CFAP74: variants seen among roughly 807,000 people sequenced by gnomAD.
CFAP74 encodes cilia and flagella associated protein 74.
A neutral mutation model predicts 188.9 loss-of-function variants in CFAP74; 124 were observed. The observed-to-expected ratio is 0.66, with a 90% CI of 0.57 to 0.76. The LOEUF is 0.76. Among genes scored for constraint, CFAP74 ranks in the 30% least tolerant of loss-of-function variants. The probability of loss-of-function intolerance (pLI) is 0.00; values close to 1 mark genes in which losing one functional copy is unlikely to be tolerated. For synonymous variants in CFAP74, 956 were observed against 916.7 expected (o/e 1.04, Z -0.77); for missense variants, 2,198 against 2,165.2 (o/e 1.02, Z -0.30).
At chr1:1,971,653 C>A (rs1364521259) in intron 9 of CFAP74, among the ~76,000 whole-genome samples, 1 of 152,256 alleles carries the variant, frequency 6.6e-6, no homozygotes, top group Non-Finnish European at 1.5e-5. Context: ...GCCTGAATCC[C>A]CAGCCTTGGC....
intron 6 of CFAP74, among the ~76,000 whole-genome samples, chr1:1,976,990 T>A (rs28545809): frequency 6.6e-6 from 1 of 151,604 alleles, no homozygotes; most frequent in Non-Finnish European, 1.5e-5. Context: ...GGACTACAGG[T>A]GCCTGCCACC....
intron 22 of CFAP74, 75 bp from the exon 23 acceptor site, chr1:1,940,478 G>T (rs539758138): frequency 1.9e-6 from 2 of 1,028,286 alleles, no homozygotes; most frequent in South Asian, 3.3e-5. Flanking sequence ...CACTGTCACT[G>T]GTGCTTCTAC....
chr1:1,987,974 T>G (rs1570983579), intron 4 of CFAP74: 1 of 371,142 alleles, frequency 2.7e-6, no homozygotes, highest in East Asian at 7.9e-5. Context: ...TGTCTTTCAG[T>G]TTTTTATTTT....
intron 25 of CFAP74, among the ~76,000 whole-genome samples, chr1:1,932,076 A>C (rs1451632686): frequency 1.7e-5 from 1 of 58,960 alleles, no homozygotes; most frequent in African/African-American, 4.0e-5. Context: ...CAAAAAAAAA[A>C]AAACAAAAAA....
Position 1,923,395 on chromosome 1 carries a change from G to A in CFAP74, c.4494C>T (p.Ile1498=), listed in dbSNP as rs1338606680. The change falls in exon 36 of 39, where the codon ATC becomes ATT. Residue 1498 remains isoleucine (I), a synonymous_variant. Transcript: ENST00000682832. This position sits in a 1 kb window ranked among gnomAD's most constrained non-coding sequence, Gnocchi z 6.3. ...CTCTGTGCCTGGGGTCAAATACAGG[G>A]ATCGCTGTCAGAGACTCCACGGGCA... The part of the protein sequence containing the change: ...LDVPVESLTA[I]PVFDPRHREA... 1.9e-6 allele frequency: 3 copies of A among 1,589,356 alleles called. No individual in the cohort carries two copies. In the African/African-American group the frequency reaches 4.0e-5, roughly 21 times the overall value.
In CFAP74 at chr1:1,988,874, G is replaced by A. The variant is rs761114196; in HGVS notation, c.152+15C>T. 4.3e-5 allele frequency: 37 copies of A among 868,986 alleles called. No homozygotes were observed. The highest frequency in any genetic ancestry group is 5.3e-4 in the Middle Eastern group (2 of 3,778). 53.8% of individuals were successfully genotyped at this position (868,986 alleles called of 1,614,324 possible). On this transcript the variant is annotated intron_variant, in intron 3 of 38. Coordinates refer to ENST00000682832, the MANE Select transcript of CFAP74 (RefSeq NM_001304360.2). ...CCCCCCCACACCCACCTCCACCCCC[G>A]ATCCTCCGAGTTACCTGCTGTGTCC...
Position 1,930,104 on chromosome 1 carries a change from G to A in CFAP74, c.3244C>T (p.Pro1082Ser). The change falls in exon 26 of 39, where the codon CCT becomes TCT. Residue 1082 changes from proline to serine, a missense_variant. Transcript: ENST00000682832. ...CCCACTGAGGGCGAGATGGTGATAGGCGAGTCTGGGGGCAGCAGGAACTCG... is the reference window on the plus strand; with the variant it reads ...CCCACTGAGGGCGAGATGGTGATAGACGAGTCTGGGGGCAGCAGGAACTCG... ...SFEFLLPPDS[P>S]ITISPSVGTV... 2 of 1,534,488 alleles carry A rather than the reference G, an allele frequency of 1.3e-6. No individual in the cohort carries two copies. The highest frequency in any genetic ancestry group is 1.7e-6 in the Non-Finnish European group (2 of 1,145,774).
rs1197915990 is a variant in CFAP74, at chr1:1,988,606, C to A, written c.202G>T (p.Ala68Ser). The change falls in exon 4 of 39, where the codon GCT (alanine) becomes TCT (serine). Residue 68 changes from alanine to serine, a missense_variant. By Grantham distance (99) the Ala-to-Ser change is moderately conservative. Transcript: ENST00000682832. ...TGAAATGCCTGCGTTCTGTCCTCAGCTGTTTTCTTCTTCAATTTATCAGCA... is the reference window on the plus strand; with the variant it reads ...TGAAATGCCTGCGTTCTGTCCTCAGATGTTTTCTTCTTCAATTTATCAGCA... ...TDADKLKKKT[A>S]EDRTQAFHLR... 5.6e-6 allele frequency: 9 copies of A among 1,612,634 alleles called. No individual in the cohort carries two copies. The highest frequency in any genetic ancestry group is 7.6e-6 in the Non-Finnish European group (9 of 1,180,030).
intron 6 of CFAP74, chr1:1,985,028 G>A (rs1306183539): frequency 2.0e-5 from 4 of 202,336 alleles, no homozygotes; most frequent in East Asian, 1.1e-4. Context: ...AAGGCAACTC[G>A]ACGCATCCAA....
chr1:1,926,518 A>T lies in CFAP74; in HGVS notation c.3773-6T>A, dbSNP rs1651911176. 3 of 1,549,996 alleles carry T rather than the reference A, an allele frequency of 1.9e-6. No individual in the cohort carries two copies. Among genetic ancestry groups the T allele is most frequent in the Non-Finnish European group, 2.6e-6 (3 of 1,146,838 alleles). On this transcript the variant is annotated splice_polypyrimidine_tract_variant and splice_region_variant and intron_variant, in intron 30 of 38. Transcript: ENST00000682832. ...CTTCTTGATACTGCGGTGCCCTGAA[A>T]TGGGGCAGGGAGCGTCAGGCCCCAG...
In CFAP74 at chr1:1,926,934, C is replaced by T. The variant is rs563214050; in HGVS notation, c.3622G>A (p.Asp1208Asn). The change falls in exon 29 of 39, where the codon GAC becomes AAC. Residue 1208 changes from aspartate (D) to asparagine (N), a missense_variant. Asp to Asn is a conservative substitution (Grantham distance 23). Coordinates refer to ENST00000682832, the MANE Select transcript of CFAP74 (RefSeq NM_001304360.2). Reference sequence around the variant, plus strand: ...TCTGACCCCTTCCTGTCTTTGATGTCGCCACTGGCAACAACACAGGGAACT... The same window carrying T: ...TCTGACCCCTTCCTGTCTTTGATGTTGCCACTGGCAACAACACAGGGAACT... ...FVVPCVVASG[D>N]IKDRKGSEPL... The T allele has an allele frequency of 2.0e-5, 31 of 1,550,232 alleles. No homozygotes were observed. The highest frequency in any genetic ancestry group is 9.8e-5 in the Admixed American group (5 of 51,002).
At chr1:1,987,912 T>C (rs775056738) in intron 4 of CFAP74, 9 of 333,710 alleles carry the variant, frequency 2.7e-5, no homozygotes, top group Non-Finnish European at 4.1e-5. Flanking sequence ...CCGGGTGAAG[T>C]ACCCAAGTTA....
At chr1:1,955,196 G>T in intron 18 of CFAP74, 1 of 1,288,884 alleles carries the variant, frequency 7.8e-7, no homozygotes, top group Non-Finnish European at 1.0e-6. Flanking sequence ...ATCTCGATGC[G>T]TATGTGGGAA....
At chr1:1,960,700 A>G (rs143111653) in intron 14 of CFAP74, among the ~76,000 whole-genome samples, 2 of 152,352 alleles carry the variant, frequency 1.3e-5, no homozygotes, top group Non-Finnish European at 2.9e-5. Context: ...CTGGCTGGCA[A>G]CATTCCCACG....
At chr1:1,977,343 G>C (rs1045780204) in intron 6 of CFAP74, among the ~76,000 whole-genome samples, 1 of 152,160 alleles carries the variant, frequency 6.6e-6, no homozygotes, top group Non-Finnish European at 1.5e-5. Context: ...ACATCTGAGC[G>C]AGTGCCCCAA....
intron 25 of CFAP74, among the ~76,000 whole-genome samples, chr1:1,933,320 C>T (rs538323210): frequency 6.6e-6 from 1 of 151,564 alleles, no homozygotes; most frequent in Admixed American, 6.6e-5. Context: ...GCTGGGATTA[C>T]AGGTGTGCAG....
intron 20 of CFAP74, among the ~76,000 whole-genome samples, chr1:1,945,146 A>T (rs1030788264): frequency 3.3e-5 from 5 of 152,036 alleles, no homozygotes; most frequent in Non-Finnish European, 5.9e-5. Flanking sequence ...GTCTCTACAA[A>T]AAATACAAAA....
chr1:1,979,053 G>A (rs1349285134), intron 6 of CFAP74, among the ~76,000 whole-genome samples: 2 of 139,576 alleles, frequency 1.4e-5, no homozygotes, highest in African/African-American at 2.6e-5. Context: ...CATGTGACGA[G>A]GCTGCACAGA....
chr1:1,952,244 G>A (rs1654243768), intron 18 of CFAP74, among the ~76,000 whole-genome samples: 2 of 151,804 alleles, frequency 1.3e-5, no homozygotes, highest in African/African-American at 4.8e-5. Flanking sequence ...TGAGCCACTG[G>A]GCCCGACCAA....
Sources: allele counts gnomAD v4.1 joint callset (sites outside exome capture counted in the v4.1 genomes callset), GRCh38; gene constraint gnomAD v4.1.1; non-coding constraint Gnocchi (gnomAD v3.1); transcripts MANE v1.5; gene names NCBI Gene and HGNC (gene_info 2026-07-23, HGNC 2026-07-21).